SYNDIG1: variants seen among roughly 807,000 people sequenced by gnomAD.
SYNDIG1 encodes synapse differentiation-inducing gene protein 1.
SYNDIG1 carries 9 observed loss-of-function variants against 19.4 expected under a neutral mutation model. The ratio of observed to expected loss-of-function variants is 0.46; its 90% CI spans 0.28 to 0.81. The LOEUF (loss-of-function observed/expected upper bound fraction) is 0.81. Among genes scored for constraint, SYNDIG1 ranks in the 30% least tolerant of loss-of-function variants. SYNDIG1 has a pLI of 0.12. For synonymous variants in SYNDIG1, 141 were observed against 145.9 expected (o/e 0.97, Z 0.24); for missense variants, 311 against 343.3 (o/e 0.91, Z 0.74).
chr20:24,560,542 A>G (rs1349934622), intron 2 of SYNDIG1, among the ~76,000 whole-genome samples: 1 of 151,394 alleles, frequency 6.6e-6, no homozygotes, highest in Non-Finnish European at 1.5e-5. Context: ...CTTTTCTTAC[A>G]TTGAGTCATT....
chr20:24,641,161 A>G (rs1315768190), intron 3 of SYNDIG1, among the ~76,000 whole-genome samples: 1 of 152,230 alleles, frequency 6.6e-6, no homozygotes, highest in Non-Finnish European at 1.5e-5. Context: ...ATCTTGGATA[A>G]AGTTCACCTT....
chr20:24,599,683 C>T (rs1568674246), intron 3 of SYNDIG1, among the ~76,000 whole-genome samples: 1 of 152,182 alleles, frequency 6.6e-6, no homozygotes, highest in Non-Finnish European at 1.5e-5. Flanking sequence ...CCATTTTCAG[C>T]ATCGTGGATG....
At chr20:24,484,316 G>A (rs1309085388) in intron 1 of SYNDIG1, among the ~76,000 whole-genome samples, 1 of 152,170 alleles carries the variant, frequency 6.6e-6, no homozygotes, top group Non-Finnish European at 1.5e-5. Flanking sequence ...CCAGGTAACT[G>A]TAACCTCAGG....
rs1277709812 is a variant in SYNDIG1, at chr20:24,666,026, G to A, written c.*522G>A. ...AGAGGCAACACCACGGCTGGCAGGA[G>A]CCCCGCTGCACTGCTCTGCAGACCC... On this transcript the variant is annotated 3_prime_UTR_variant, in exon 4 of 4. Transcript: ENST00000376862. The A allele has an allele frequency of 6.2e-6, 1 of 160,948 alleles. No individual in the cohort carries two copies. Among genetic ancestry groups the A allele is most frequent in the Non-Finnish European group, 1.3e-5 (1 of 74,616 alleles). The allele number at this position is 160,948 out of a possible 1,614,324, so 10.0% of individuals were successfully genotyped here.
At chr20:24,582,503 C>A (rs746972221) in intron 2 of SYNDIG1, among the ~76,000 whole-genome samples, 5 of 145,868 alleles carry the variant, frequency 3.4e-5, no homozygotes, top group Admixed American at 6.8e-5. Context: ...TGCACATCCT[C>A]CCCCCTGCAT....
rs1217600072 is a variant in SYNDIG1 at position 24,665,427 on chromosome 20, A to G, written c.700A>G (p.Ile234Val). 1.9e-6 allele frequency: 3 copies of G among 1,613,414 alleles called. No homozygotes were observed. The highest frequency in any genetic ancestry group is 2.2e-5 in the East Asian group (1 of 44,838). ...GGCCCTATTCCTGGCAGTGCTGTCC[A>G]TCACCATTGGGACTGGCGTCTATGT... ...RRALFLAVLS[I>V]TIGTGVYVGV... is the part of the protein sequence containing the mutation. Residue 234 changes from isoleucine (I) to valine (V), a missense_variant, in exon 4 of 4, where the codon ATC becomes GTC. Transcript: ENST00000376862.
rs569358527 is a variant in SYNDIG1, at chr20:24,537,337, G to T, written c.-78-5683G>T. On this transcript the variant is annotated intron_variant, in intron 1 of 3. Transcript: ENST00000376862. ...AACCAACTTTGGTGGTCAGCCCACA[G>T]CCAGTCTTCTTTTCTCAGTATGGTA... Among the ~76,000 whole-genome samples, 34 of 151,992 alleles carry T rather than the reference G, an allele frequency of 2.2e-4. 2 individuals carry two copies. The South Asian group carries it at 6.6e-3, about 30-fold the overall frequency.
chr20:24,611,100 A>T (rs2058840963), intron 3 of SYNDIG1, among the ~76,000 whole-genome samples: 1 of 152,044 alleles, frequency 6.6e-6, no homozygotes, highest in African/African-American at 2.4e-5. Context: ...TGCTGCTGGA[A>T]CTACTGTTTG....
At chr20:24,497,172 T>TTTTG (rs537794262) in intron 1 of SYNDIG1, among the ~76,000 whole-genome samples, 6 of 152,190 alleles carry the variant, frequency 3.9e-5, no homozygotes, top group African/African-American at 1.4e-4. Context: ...TTTTCTTTTC[T>TTTTG]TTTGTTTGTT....
At chr20:24,555,940 A>C (rs2057805736) in intron 2 of SYNDIG1, among the ~76,000 whole-genome samples, 1 of 152,124 alleles carries the variant, frequency 6.6e-6, no homozygotes, top group Admixed American at 6.5e-5. Context: ...GTGGGAGTCT[A>C]AGTCTCTTTG....
chr20:24,619,356 C>G (rs1394097046), intron 3 of SYNDIG1, among the ~76,000 whole-genome samples: 1 of 152,206 alleles, frequency 6.6e-6, no homozygotes, highest in Non-Finnish European at 1.5e-5. Context: ...GGCCATTCCT[C>G]CTGGGCCCAC....
chr20:24,570,327 T>G (rs536599260), intron 2 of SYNDIG1, among the ~76,000 whole-genome samples: 2 of 152,348 alleles, frequency 1.3e-5, no homozygotes, highest in South Asian at 2.1e-4. Context: ...TAAAAACTTT[T>G]GCTCTGCAAA....
chr20:24,516,665 A>G (rs1260495046), intron 1 of SYNDIG1, among the ~76,000 whole-genome samples: 1 of 152,204 alleles, frequency 6.6e-6, no homozygotes, highest in Non-Finnish European at 1.5e-5. Flanking sequence ...AAGTCAGGAA[A>G]CAACAGGTGC....
chr20:24,661,378 G>GGGAGGGAAAGGGGAGGAA (rs2059587132), intron 3 of SYNDIG1, among the ~76,000 whole-genome samples: 1 of 136,736 alleles, frequency 7.3e-6, no homozygotes. Context: ...CGAGGGAAGA[G>GGGAGGGAAAGGGGAGGAA]GGAGGGAGGA....
chr20:24,563,832 G>A (rs2057990759), intron 2 of SYNDIG1, among the ~76,000 whole-genome samples: 1 of 152,088 alleles, frequency 6.6e-6, no homozygotes, highest in Non-Finnish European at 1.5e-5. Flanking sequence ...CACACTTTTG[G>A]ACTCAAGTGA....
At chr20:24,525,592 G>A (rs1318121412) in intron 1 of SYNDIG1, among the ~76,000 whole-genome samples, 2 of 151,948 alleles carry the variant, frequency 1.3e-5, no homozygotes, top group Non-Finnish European at 2.9e-5. Context: ...CATACTTCAT[G>A]GCCTAATACT....
At chr20:24,624,255 C>CAA (rs201904792) in intron 3 of SYNDIG1, among the ~76,000 whole-genome samples, 1,299 of 94,560 alleles carry the variant, frequency 0.014, 40 homozygotes, top group African/African-American at 0.049. Context: ...GACTCCATCT[C>CAA]AAAAAAAAAA....
intron 3 of SYNDIG1, among the ~76,000 whole-genome samples, chr20:24,593,568 T>G (rs2058548282): frequency 6.6e-6 from 1 of 152,250 alleles, no homozygotes; most frequent in South Asian, 2.1e-4. Flanking sequence ...ATGGAATTGC[T>G]GAGTCAAATG....
At chr20:24,523,900 A>AGC (rs2057060287) in intron 1 of SYNDIG1, among the ~76,000 whole-genome samples, 1 of 152,198 alleles carries the variant, frequency 6.6e-6, no homozygotes, top group Admixed American at 6.5e-5. Flanking sequence ...GCTGCTGGCC[A>AGC]GCTGCCATGC....
Sources: gnomAD v4.1 joint callset for allele counts (sites outside exome capture counted in the v4.1 genomes callset) on GRCh38, gnomAD v4.1.1 for gene constraint, MANE v1.5 for transcripts, NCBI Gene and HGNC (gene_info 2026-07-23, HGNC 2026-07-21) for gene names.